STYK1: variants seen among roughly 807,000 people sequenced by gnomAD.
STYK1 encodes the protein tyrosine-protein kinase STYK1.
In STYK1, 46 loss-of-function variants were observed where a neutral mutation model predicts 48.1. The observed-to-expected ratio is 0.96, with a 90% CI of 0.75 to 1.22. The LOEUF is 1.22. STYK1 is among the 50% of genes most tolerant of loss of function. The pLI, the probability that STYK1 is intolerant of heterozygous loss-of-function variation, is 0.00. For missense variants in STYK1, 527 were observed against 521.1 expected, an observed-to-expected ratio of 1.01 and a Z score of -0.11; for synonymous variants, 188 against 189.0, an observed-to-expected ratio of 0.99 and a Z score of 0.04.
At chr12:10,669,593 C>A (rs1222823486) in intron 1 of STYK1, among the ~76,000 whole-genome samples, 3 of 151,916 alleles carry the variant, frequency 2.0e-5, no homozygotes, top group Non-Finnish European at 4.4e-5. Flanking sequence ...TGGACATAAA[C>A]CCAAAAGCAC....
intron 8 of STYK1, among the ~76,000 whole-genome samples, chr12:10,623,285 T>A (rs141964305): frequency 1.3e-5 from 2 of 152,346 alleles, no homozygotes; most frequent in African/African-American, 2.4e-5. Flanking sequence ...TACCCCCAGA[T>A]GTCTATTGAA....
intron 1 of STYK1, among the ~76,000 whole-genome samples, chr12:10,652,770 T>C (rs2120748490): frequency 9.0e-6 from 1 of 111,390 alleles, no homozygotes; most frequent in South Asian, 3.5e-4. Flanking sequence ...TAATATGAGA[T>C]GCACTCTGGA....
At chr12:10,638,940 C>A (rs1947514895) in intron 1 of STYK1, among the ~76,000 whole-genome samples, 1 of 152,104 alleles carries the variant, frequency 6.6e-6, no homozygotes. Context: ...TTTAGATAGA[C>A]AAGTGATCCA....
intron 1 of STYK1, among the ~76,000 whole-genome samples, chr12:10,641,375 C>T (rs1947543019): frequency 6.6e-6 from 1 of 152,196 alleles, no homozygotes; most frequent in African/African-American, 2.4e-5. Flanking sequence ...GTTTTTCCTT[C>T]TAAGAAAGAT....
intron 1 of STYK1, among the ~76,000 whole-genome samples, chr12:10,644,647 G>A (rs1449429040): frequency 6.6e-6 from 1 of 152,022 alleles, no homozygotes; most frequent in Non-Finnish European, 1.5e-5. Context: ...AGTAGTGACA[G>A]TAAAAAAAAG....
chr12:10,647,070 A>G (rs1377940069), intron 1 of STYK1, among the ~76,000 whole-genome samples: 2 of 152,228 alleles, frequency 1.3e-5, no homozygotes, highest in Non-Finnish European at 2.9e-5. Context: ...CAGAAGGGAA[A>G]TGTGGGGTCG....
At chr12:10,650,626 C>G (rs1423469003) in intron 1 of STYK1, among the ~76,000 whole-genome samples, 3 of 152,156 alleles carry the variant, frequency 2.0e-5, no homozygotes, top group Admixed American at 2.0e-4. Context: ...TTCTTCTTAG[C>G]ACAGACACAA....
chr12:10,655,467 G>T (rs2120761880), intron 1 of STYK1, among the ~76,000 whole-genome samples: 2 of 152,312 alleles, frequency 1.3e-5, no homozygotes, highest in South Asian at 4.1e-4. Context: ...TAGTAGCTAA[G>T]GCTTTGCCTT....
At chr12:10,673,638 G>A in intron 1 of STYK1, 1 of 151,072 alleles carries the variant, frequency 6.6e-6, no homozygotes, top group Non-Finnish European at 1.5e-5. Context: ...CCCCTCTCCT[G>A]ATGGCCCCCT....
At chr12:10,643,631 G>A (rs1947568402) in intron 1 of STYK1, among the ~76,000 whole-genome samples, 2 of 152,138 alleles carry the variant, frequency 1.3e-5, no homozygotes, top group African/African-American at 2.4e-5. Flanking sequence ...CTATAAAAAC[G>A]GGGCAATAGG....
rs1947595634 is a variant in STYK1 at position 10,646,048 on chromosome 12, T to G, written c.-194-8852A>C. Among the ~76,000 whole-genome samples, 3 of 152,226 alleles carry G rather than the reference T, an allele frequency of 2.0e-5. No homozygotes were observed. The South Asian group carries it at 6.2e-4, about 31-fold the overall frequency. Reference sequence around the variant, plus strand: ...CATTAAACCTCTTTCTTTTGTAAATTGCCCAGTTTCATGTATGTCTTTATC... The same window carrying G: ...CATTAAACCTCTTTCTTTTGTAAATGGCCCAGTTTCATGTATGTCTTTATC... On this transcript the variant is annotated intron_variant, in intron 1 of 10. Coordinates refer to ENST00000075503, the MANE Select transcript of STYK1 (RefSeq NM_018423.3).
intron 1 of STYK1, among the ~76,000 whole-genome samples, chr12:10,661,965 A>T (rs1591703375): frequency 6.6e-6 from 1 of 152,292 alleles, no homozygotes; most frequent in Non-Finnish European, 1.5e-5. Flanking sequence ...CTTATTTTAG[A>T]ATATTTCCGT....
chr12:10,623,711 G>A (rs1417105547), intron 8 of STYK1, among the ~76,000 whole-genome samples: 1 of 151,914 alleles, frequency 6.6e-6, no homozygotes, highest in Non-Finnish European at 1.5e-5. Context: ...TAGAAAATTG[G>A]GAAAAGTAAC....
chr12:10,670,366 T>C (rs1947879000), intron 1 of STYK1, among the ~76,000 whole-genome samples: 1 of 152,064 alleles, frequency 6.6e-6, no homozygotes, highest in Non-Finnish European at 1.5e-5. Context: ...AAAGTATAAA[T>C]ACATACAGTA....
In STYK1 at chr12:10,672,983, A is replaced by C. The variant is rs1947905708; in HGVS notation, c.-195+983T>G. On this transcript the variant is annotated intron_variant, in intron 1 of 10. Coordinates refer to ENST00000075503, the MANE Select transcript of STYK1 (RefSeq NM_018423.3). This position sits in a 1 kb window ranked among gnomAD's most constrained non-coding sequence, Gnocchi z 4.0. ...TCAGTTGAGCTGTGCTGCACATTAC[A>C]GTAACTCGACTCCTTTATTGCCACT... Among the ~76,000 whole-genome samples the C allele has an allele frequency of 6.6e-6, 1 of 152,186 alleles. No individual in the cohort carries two copies. The highest frequency in any genetic ancestry group is 1.5e-5 in the Non-Finnish European group (1 of 68,030).
At chr12:10,668,177 C>T (rs7297091) in intron 1 of STYK1, among the ~76,000 whole-genome samples, 98,572 of 151,874 alleles carry the variant, frequency 0.65, 32,648 homozygotes, top group African/African-American at 0.79. Flanking sequence ...ACTCTACCCT[C>T]CATTTTTCAA....
At chr12:10,639,155 C>A (rs1489537358) in intron 1 of STYK1, among the ~76,000 whole-genome samples, 6 of 152,012 alleles carry the variant, frequency 3.9e-5, no homozygotes, top group Non-Finnish European at 8.8e-5. Flanking sequence ...AAAAACAAAA[C>A]CAAAACAAAC....
intron 1 of STYK1, among the ~76,000 whole-genome samples, chr12:10,664,668 T>TA (rs1376628306): frequency 6.6e-6 from 1 of 152,240 alleles, no homozygotes; most frequent in African/African-American, 2.4e-5. Flanking sequence ...TTAGTTCAAG[T>TA]GAGCCTGTCT....
At chr12:10,664,222 CT>C (rs1161553257) in intron 1 of STYK1, among the ~76,000 whole-genome samples, 6 of 152,158 alleles carry the variant, frequency 3.9e-5, no homozygotes, top group Admixed American at 6.5e-5. Flanking sequence ...TCATTTTCCC[CT>C]GACAGACCAC....
Sources: gnomAD v4.1 joint callset for allele counts (sites outside exome capture counted in the v4.1 genomes callset) on GRCh38, gnomAD v4.1.1 for gene constraint, Gnocchi (gnomAD v3.1) non-coding constraint, MANE v1.5 for transcripts, NCBI Gene and HGNC (gene_info 2026-07-23, HGNC 2026-07-21) for gene names.